Variants in DCP1A observed in about 807,000 individuals in gnomAD.
DCP1A encodes the protein decapping mRNA 1A.
In DCP1A, 20 loss-of-function variants were observed where a neutral mutation model predicts 58.0. That is an observed-to-expected ratio of 0.34 (90% CI 0.24 to 0.50). The LOEUF is 0.50. Among genes scored for constraint, DCP1A ranks in the 20% least tolerant of loss-of-function variants. The pLI is 0.98. For missense variants in DCP1A, 613 were observed against 712.2 expected, an observed-to-expected ratio of 0.86 and a Z score of 1.59; for synonymous variants, 285 against 275.1, an observed-to-expected ratio of 1.04 and a Z score of -0.36.
At chr3:53,297,666 C>T (rs1486267398) in intron 6 of DCP1A, among the ~76,000 whole-genome samples, 1 of 152,260 alleles carries the variant, frequency 6.6e-6, no homozygotes, top group African/African-American at 2.4e-5. Flanking sequence ...AAGACTAATT[C>T]TTATTAATGC....
At chr3:53,341,807 T>C (rs1454688948) in intron 3 of DCP1A, among the ~76,000 whole-genome samples, 1 of 152,034 alleles carries the variant, frequency 6.6e-6, no homozygotes. Flanking sequence ...CAGGTTCAAG[T>C]GATTACAGGC....
chr3:53,301,794 T>C (rs1271846129), intron 6 of DCP1A, among the ~76,000 whole-genome samples: 1 of 152,198 alleles, frequency 6.6e-6, no homozygotes, highest in African/African-American at 2.4e-5. Flanking sequence ...ACAAACTTGA[T>C]ACATGTAACA....
At position 53,302,877 on chromosome 3, in the gene DCP1A, C is replaced by T. The variant is rs569668300; in HGVS notation, c.624+1300G>A. Among the ~76,000 whole-genome samples, 9 of 152,174 alleles carry T rather than the reference C, an allele frequency of 5.9e-5. No individual in the cohort carries two copies. In the South Asian group the frequency reaches 8.3e-4, roughly 14 times the overall value. On this transcript the variant is annotated intron_variant, in intron 6 of 9. Coordinates refer to ENST00000610213, the MANE Select transcript of DCP1A (RefSeq NM_018403.7). ...ACCTCAGGTGATCTGCCTGCCTTGG[C>T]CTCCTGAAGTGCTGGGATTACAGGC...
intron 6 of DCP1A, among the ~76,000 whole-genome samples, chr3:53,296,441 C>T (rs1707130149): frequency 6.6e-6 from 1 of 152,230 alleles, no homozygotes; most frequent in Non-Finnish European, 1.5e-5. Flanking sequence ...GGACAGACTT[C>T]TCTGTCCAGG....
intron 4 of DCP1A, among the ~76,000 whole-genome samples, chr3:53,315,262 G>A (rs373857160): frequency 2.6e-4 from 39 of 152,168 alleles, no homozygotes; most frequent in African/African-American, 8.7e-4. Flanking sequence ...TTCTGAGGCC[G>A]GGTGTGGTGG....
intron 3 of DCP1A, among the ~76,000 whole-genome samples, chr3:53,336,845 G>GATTTATTT (rs56054437): frequency 0.033 from 4,776 of 144,238 alleles, 99 homozygotes; most frequent in African/African-American, 0.053. Flanking sequence ...CCAAAGCCCA[G>GATTTATTT]ATTTATTTAT....
intron 5 of DCP1A, among the ~76,000 whole-genome samples, chr3:53,310,707 C>T (rs558625834): frequency 2.0e-5 from 3 of 152,290 alleles, no homozygotes; most frequent in South Asian, 4.1e-4. Context: ...GGTGACTGCT[C>T]CTCCAAATTT....
rs782297102 is a variant in DCP1A, at chr3:53,312,387, A to G, written c.372-8T>C. On this transcript the variant is annotated splice_region_variant and splice_polypyrimidine_tract_variant and intron_variant, in intron 4 of 9. Coordinates refer to ENST00000610213, the MANE Select transcript of DCP1A (RefSeq NM_018403.7). ...GTCTCCTCTTCTACCACACTAGAGG[A>G]GAAGAACAAGGTTTTAGAAAGGCCT... is the stretch of plus-strand genomic sequence containing the variant. 21 of 1,572,164 alleles carry G rather than the reference A, an allele frequency of 1.3e-5. No homozygotes were observed. The South Asian group carries it at 1.9e-4, about 14-fold the overall frequency.
intron 3 of DCP1A, among the ~76,000 whole-genome samples, chr3:53,327,927 A>C (rs1338423361): frequency 2.6e-5 from 4 of 152,000 alleles, no homozygotes; most frequent in African/African-American, 9.7e-5. Context: ...GTTCAAGACC[A>C]GCCTGGCCAA....
At chr3:53,334,085 G>C (rs2089067443) in intron 3 of DCP1A, among the ~76,000 whole-genome samples, 1 of 152,008 alleles carries the variant, frequency 6.6e-6, no homozygotes, top group Admixed American at 6.6e-5. Flanking sequence ...AATATAGAGA[G>C]ACCTTGTCTC....
In DCP1A at chr3:53,327,091, A is replaced by AT. The variant is rs2106867433; in HGVS notation, c.305-7619dup. Among the ~76,000 whole-genome samples the AT allele has an allele frequency of 1.3e-5, 2 of 151,724 alleles. 1 individual carries two copies. Among genetic ancestry groups the AT allele is most frequent in the South Asian group, 4.2e-4 (2 of 4,792 alleles). On this transcript the variant is annotated intron_variant, in intron 3 of 9. Transcript: ENST00000610213. ...GAAGCATGGCCCCTGACCTCCATGGATTTGAATTCCCATTTCCTAGGCTTC... is the reference window on the plus strand; with the variant it reads ...GAAGCATGGCCCCTGACCTCCATGGATTTTGAATTCCCATTTCCTAGGCTTC...
intron 3 of DCP1A, among the ~76,000 whole-genome samples, chr3:53,336,525 A>C (rs1310103296): frequency 4.6e-5 from 7 of 152,130 alleles, no homozygotes; most frequent in Non-Finnish European, 7.4e-5. Flanking sequence ...GGGTTGTATA[A>C]TCCTGCTGTT....
intron 4 of DCP1A, among the ~76,000 whole-genome samples, chr3:53,315,657 T>A (rs1707780663): frequency 6.6e-6 from 1 of 151,518 alleles, no homozygotes; most frequent in Non-Finnish European, 1.5e-5. Flanking sequence ...ATATACAAAT[T>A]TAGATGACAT....
intron 4 of DCP1A, among the ~76,000 whole-genome samples, chr3:53,313,236 T>C (rs1707702203): frequency 2.0e-5 from 3 of 152,118 alleles, no homozygotes; most frequent in Admixed American, 6.6e-5. Context: ...CTGGGCAACT[T>C]GGCAAAACCC....
intron 5 of DCP1A, among the ~76,000 whole-genome samples, chr3:53,311,960 A>AT (rs34175659): frequency 6.6e-6 from 1 of 151,906 alleles, no homozygotes; most frequent in East Asian, 1.9e-4. Flanking sequence ...TTTTAAAAAA[A>AT]AAAAAAGAGA....
rs1553686380 is a variant in DCP1A, at chr3:53,292,869, T to C, written c.625-42A>G. On this transcript the variant is annotated intron_variant, in intron 6 of 9. Coordinates refer to ENST00000610213, the MANE Select transcript of DCP1A (RefSeq NM_018403.7). ...ACCACCCAGTCAAAGAGGTCTGTTA[T>C]AAATCAGCATAACCAAACTTCTTTT... The C allele has an allele frequency of 2.6e-6, 4 of 1,540,326 alleles. No homozygotes were observed. The African/African-American group carries it at 5.5e-5, about 21-fold the overall frequency.
intron 5 of DCP1A, among the ~76,000 whole-genome samples, chr3:53,305,353 TTC>T (rs1186940598): frequency 2.0e-5 from 3 of 152,100 alleles, no homozygotes; most frequent in Non-Finnish European, 4.4e-5. Flanking sequence ...AAATTTTTTT[TTC>T]TTTTTTTTTT....
intron 5 of DCP1A, among the ~76,000 whole-genome samples, chr3:53,308,216 AAAG>A (rs1251274176): frequency 1.3e-5 from 2 of 152,244 alleles, no homozygotes; most frequent in African/African-American, 2.4e-5. Context: ...TGTTTTAAAA[AAAG>A]AAAAAACTTT....
At chr3:53,301,083 G>C (rs1222921460) in intron 6 of DCP1A, among the ~76,000 whole-genome samples, 2 of 152,088 alleles carry the variant, frequency 1.3e-5, no homozygotes, top group African/African-American at 4.8e-5. Context: ...TTTAGAAAGG[G>C]GAAGTAGTAA....
Sources: allele counts gnomAD v4.1 joint callset (sites outside exome capture counted in the v4.1 genomes callset), GRCh38; gene constraint gnomAD v4.1.1; transcripts MANE v1.5; gene names NCBI Gene and HGNC (gene_info 2026-07-23, HGNC 2026-07-21).